Variants in F13A1 observed in about 807,000 individuals in gnomAD.
F13A1 encodes FSF, A subunit.
In F13A1, 47 loss-of-function variants were observed where a neutral mutation model predicts 80.1. That is an observed-to-expected ratio of 0.59 (90% CI 0.46 to 0.75). F13A1 has a LOEUF of 0.75. F13A1 is among the 30% of genes least tolerant of loss of function. The pLI, the probability that F13A1 is intolerant of heterozygous loss-of-function variation, is 0.00. For synonymous variants in F13A1, 349 were observed against 344.9 expected (o/e 1.01, Z -0.13); for missense variants, 817 against 930.4 (o/e 0.88, Z 1.59).
intron 10 of F13A1, among the ~76,000 whole-genome samples, chr6:6,184,798 G>A (rs1265053753): frequency 1.3e-5 from 2 of 152,198 alleles, no homozygotes; most frequent in Non-Finnish European, 2.9e-5. Flanking sequence ...TCTCAGGACA[G>A]ACCAACAGCA....
At chr6:6,214,176 G>A (rs1174333281) in intron 8 of F13A1, among the ~76,000 whole-genome samples, 1 of 140,946 alleles carries the variant, frequency 7.1e-6, no homozygotes, top group Non-Finnish European at 1.5e-5. Flanking sequence ...GCACCAAGCG[G>A]ACCTAATAGA....
intron 3 of F13A1, among the ~76,000 whole-genome samples, chr6:6,287,197 AGT>A (rs922753922): frequency 6.6e-6 from 1 of 152,196 alleles, no homozygotes; most frequent in South Asian, 2.1e-4. Context: ...AAGTTATCGC[AGT>A]GGGCACATTT....
intron 4 of F13A1, among the ~76,000 whole-genome samples, chr6:6,265,499 G>A (rs568815921): frequency 1.3e-5 from 2 of 152,320 alleles, no homozygotes; most frequent in South Asian, 2.1e-4. Flanking sequence ...AGATGAAGAT[G>A]AGGAGAAAAT....
At chr6:6,303,931 G>C (rs541021259) in intron 3 of F13A1, among the ~76,000 whole-genome samples, 1 of 152,082 alleles carries the variant, frequency 6.6e-6, no homozygotes, top group Non-Finnish European at 1.5e-5. Flanking sequence ...AACTTACAAA[G>C]TTTTATTAAT....
intron 3 of F13A1, among the ~76,000 whole-genome samples, chr6:6,291,929 A>C (rs1245952719): frequency 2.0e-5 from 3 of 152,126 alleles, no homozygotes; most frequent in Non-Finnish European, 4.4e-5. Flanking sequence ...CCCTCAAGTA[A>C]TTCACACTCA....
Position 6,299,374 on chromosome 6 carries a change from T to A in F13A1, c.319+5977A>T, listed in dbSNP as rs1390315326. ...AACTTGGTTCCATTCTCCCCATCAC[T>A]TTCAGGTACACCAATCAGACGTAGA... On this transcript the variant is annotated intron_variant, in intron 3 of 14. Coordinates refer to ENST00000264870, the MANE Select transcript of F13A1 (RefSeq NM_000129.4). Among the ~76,000 whole-genome samples the A allele has an allele frequency of 2.7e-3, 350 of 130,462 alleles. 11 individuals carry two copies. Among genetic ancestry groups the A allele is most frequent in the African/African-American group, 0.013 (338 of 26,912 alleles). The allele number at this position is 130,462 out of a possible 152,430, so 85.6% of individuals were successfully genotyped here.
At chr6:6,201,122 A>C (rs1217168741) in intron 8 of F13A1, among the ~76,000 whole-genome samples, 1 of 152,248 alleles carries the variant, frequency 6.6e-6, no homozygotes, top group East Asian at 1.9e-4. Context: ...AATAGGCTCC[A>C]GAATAGCCTT....
intron 10 of F13A1, among the ~76,000 whole-genome samples, chr6:6,191,599 T>C (rs1269823560): frequency 6.6e-6 from 1 of 152,162 alleles, no homozygotes; most frequent in Non-Finnish European, 1.5e-5. Flanking sequence ...CCTGGGCCCA[T>C]AGAATGTGAA....
intron 13 of F13A1, 97 bp downstream of exon 13, chr6:6,167,361 T>C: frequency 2.5e-6 from 3 of 1,211,948 alleles, no homozygotes; most frequent in Non-Finnish European, 3.6e-6. Context: ...AGGACATTCA[T>C]TCACACACAC....
chr6:6,169,096 C>G (rs1561641709), intron 12 of F13A1, among the ~76,000 whole-genome samples: 2 of 152,206 alleles, frequency 1.3e-5, no homozygotes, highest in South Asian at 2.1e-4. Flanking sequence ...CAAGCTGGCT[C>G]TCATTCCAGG....
At chr6:6,255,092 A>G (rs555770719) in intron 4 of F13A1, among the ~76,000 whole-genome samples, 24 of 152,240 alleles carry the variant, frequency 1.6e-4, no homozygotes, top group East Asian at 3.9e-4. Flanking sequence ...TTTCCAGCAC[A>G]GATTGAATTA....
rs1439374898 is a variant in F13A1, at chr6:6,243,449, T to C, written c.798+4863A>G. ...TCATTCTCCAGGGCCCCAGTGCCTA[T>C]GGCTATTTAGAATCCTCTGATTGAT... On this transcript the variant is annotated intron_variant, in intron 6 of 14. Transcript: ENST00000264870. The surrounding 1 kb of genome is among the most constrained non-coding windows in gnomAD (Gnocchi z 4.2). Among the ~76,000 whole-genome samples the C allele has an allele frequency of 1.3e-5, 2 of 152,230 alleles. No homozygotes were observed. The highest frequency in any genetic ancestry group is 2.9e-5 in the Non-Finnish European group (2 of 68,044).
At chr6:6,258,210 T>C (rs1757728175) in intron 4 of F13A1, among the ~76,000 whole-genome samples, 1 of 152,186 alleles carries the variant, frequency 6.6e-6, no homozygotes, top group African/African-American at 2.4e-5. Flanking sequence ...AGTTTGTTTC[T>C]TAATTTTCTA....
intron 3 of F13A1, among the ~76,000 whole-genome samples, chr6:6,296,895 G>A (rs868759448): frequency 0.043 from 6,329 of 147,756 alleles, 647 homozygotes; most frequent in African/African-American, 0.14. Flanking sequence ...GTCATAGATA[G>A]CTCTTATTAT....
At chr6:6,197,865 G>A (rs1761318493) in intron 8 of F13A1, among the ~76,000 whole-genome samples, 1 of 152,142 alleles carries the variant, frequency 6.6e-6, no homozygotes. Flanking sequence ...CCTCTGCTAA[G>A]AGCAGCTTCA....
In F13A1 at chr6:6,144,954, C is replaced by G. The variant is rs554666152; in HGVS notation, c.*665G>C. The G allele has an allele frequency of 6.4e-6, 1 of 155,960 alleles. No homozygotes were observed. The highest frequency in any genetic ancestry group is 1.9e-4 in the East Asian group (1 of 5,234). 9.7% of individuals were successfully genotyped at this position (155,960 alleles called of 1,614,324 possible). ...CATTATTCAATAGACTTGAGTGTTGCACCTGCTTTCTTATCTCCTTGTAGG... is the reference window on the plus strand; with the variant it reads ...CATTATTCAATAGACTTGAGTGTTGGACCTGCTTTCTTATCTCCTTGTAGG... On this transcript the variant is annotated 3_prime_UTR_variant, in exon 15 of 15. Coordinates refer to ENST00000264870, the MANE Select transcript of F13A1 (RefSeq NM_000129.4).
At chr6:6,171,658 G>C (rs2326711) in intron 12 of F13A1, among the ~76,000 whole-genome samples, 21,429 of 152,198 alleles carry the variant, frequency 0.14, 1,589 homozygotes, top group Middle Eastern at 0.22. Context: ...CAAAACCTAA[G>C]TTAGATTATG....
chr6:6,291,064 GGGTACTC>G (rs145321710), intron 3 of F13A1, among the ~76,000 whole-genome samples: 6,397 of 152,150 alleles, frequency 0.042, 404 homozygotes, highest in African/African-American at 0.13. Flanking sequence ...TCAGATGTAA[GGGTACTC>G]ATCTGCCCCT....
intron 3 of F13A1, 39 bp downstream of exon 3, chr6:6,305,312 C>T: frequency 6.2e-7 from 1 of 1,609,792 alleles, no homozygotes; most frequent in Non-Finnish European, 8.5e-7. Flanking sequence ...TACAATGCAA[C>T]CCATGGTGTC....
Sources: allele counts gnomAD v4.1 joint callset (sites outside exome capture counted in the v4.1 genomes callset), GRCh38; gene constraint gnomAD v4.1.1; non-coding constraint Gnocchi (gnomAD v3.1); transcripts MANE v1.5; gene names NCBI Gene and HGNC (gene_info 2026-07-23, HGNC 2026-07-21).